Variants in NGLY1 observed in about 807,000 individuals in gnomAD.
NGLY1 encodes the protein peptide-N(4)-(N-acetyl-beta-glucosaminyl)asparagine amidase.
A neutral mutation model predicts 84.6 loss-of-function variants in NGLY1; 68 were observed. The ratio of observed to expected loss-of-function variants is 0.80; its 90% confidence interval spans 0.66 to 0.98. The LOEUF (loss-of-function observed/expected upper bound fraction) is 0.98, where lower values mean the gene tolerates loss of function less well. Among genes scored for constraint, NGLY1 ranks in the 50% least tolerant of loss-of-function variants. The pLI, the probability that NGLY1 is intolerant of heterozygous loss-of-function variation, is 0.00. For missense variants in NGLY1, 779 were observed against 770.2 expected, an observed-to-expected ratio of 1.01 and a Z score of -0.14; for synonymous variants, 280 against 275.2, an observed-to-expected ratio of 1.02 and a Z score of -0.17.
intron 2 of NGLY1, among the ~76,000 whole-genome samples, chr3:25,765,453 CAAAAAAA>C (rs939891781): frequency 3.4e-5 from 2 of 58,270 alleles, no homozygotes; most frequent in African/African-American, 5.9e-5. Context: ...GACTCAGTCT[CAAAAAAA>C]AAAAAAAAAA....
chr3:25,749,600 C>G lies in NGLY1; in HGVS notation c.658+1498G>C, dbSNP rs572195688. On this transcript the variant is annotated intron_variant, in intron 4 of 11. Transcript: ENST00000280700. ...AAAAATTAAGTGTAACTGGCGGAAA[C>G]CCAGAGGTATTGACGACAGGGTTCA... 4.7e-6 allele frequency: 7 copies of G among 1,482,894 alleles called. No homozygotes were observed. The South Asian group carries it at 7.9e-5, about 17-fold the overall frequency. 91.9% of individuals were successfully genotyped at this position (1,482,894 alleles called of 1,614,324 possible).
At chr3:25,779,586 A>G (rs1211097745) in intron 1 of NGLY1, among the ~76,000 whole-genome samples, 3 of 149,350 alleles carry the variant, frequency 2.0e-5, no homozygotes, top group African/African-American at 7.7e-5. Flanking sequence ...ATGTACTTCC[A>G]TAAGAAGCCA....
intron 3 of NGLY1, among the ~76,000 whole-genome samples, chr3:25,753,224 A>G (rs966142951): frequency 2.0e-5 from 3 of 152,214 alleles, no homozygotes; most frequent in African/African-American, 7.2e-5. Context: ...TTGATGTCAG[A>G]TATTTCATTG....
intron 10 of NGLY1, among the ~76,000 whole-genome samples, chr3:25,727,477 T>G (rs1705319571): frequency 6.6e-6 from 1 of 152,190 alleles, no homozygotes; most frequent in Non-Finnish European, 1.5e-5. Context: ...CAACCTCCAG[T>G]GTCCAGCTCA....
At chr3:25,736,514 G>T in intron 6 of NGLY1, 1 of 726,816 alleles carries the variant, frequency 1.4e-6, no homozygotes, top group Non-Finnish European at 2.3e-6. Flanking sequence ...GGACTTTAAG[G>T]CCCAGAACCA....
intron 4 of NGLY1, among the ~76,000 whole-genome samples, 172 bp downstream of exon 4, chr3:25,750,926 C>T (rs951864405): frequency 4.6e-5 from 7 of 152,116 alleles, no homozygotes; most frequent in Admixed American, 4.6e-4. Flanking sequence ...GTTGACCCTC[C>T]GTATATGGGT....
intron 4 of NGLY1, among the ~76,000 whole-genome samples, chr3:25,745,605 C>A (rs1392563456): frequency 6.6e-6 from 1 of 152,162 alleles, no homozygotes; most frequent in African/African-American, 2.4e-5. Context: ...CTATTGACTG[C>A]AAATTCCACA....
At chr3:25,749,635 C>T in intron 4 of NGLY1, 1 of 1,473,112 alleles carries the variant, frequency 6.8e-7, no homozygotes, top group South Asian at 1.1e-5. Context: ...ATAGAAGGTT[C>T]AAGAGCCAGA....
Position 25,733,940 on chromosome 3 carries a change from C to T in NGLY1, c.1192G>A (p.Val398Met). 6.2e-7 allele frequency: 1 copy of T among 1,613,774 alleles called. No homozygotes were observed. Among genetic ancestry groups the T allele is most frequent in the Non-Finnish European group, 8.5e-7 (1 of 1,179,834 alleles). The part of the protein sequence containing the change: ...TWRYSCKHEE[V>M]IARRTKVKEA... ...TTAACCTTAGTTCTTCTGGCAATCA[C>T]CTCTTCATGTTTGCAGGAATATCGC... The change falls in exon 8 of 12, where the codon GTG becomes ATG. Residue 398 changes from valine to methionine, a missense_variant. Transcript: ENST00000280700.
intron 2 of NGLY1, among the ~76,000 whole-genome samples, chr3:25,765,516 TTTAAA>T (rs1208327998): frequency 6.6e-6 from 1 of 150,918 alleles, no homozygotes. Context: ...ATCATGAGCA[TTTAAA>T]TTAAACTCCA....
At chr3:25,776,201 T>C (rs927841942) in intron 2 of NGLY1, among the ~76,000 whole-genome samples, 2 of 152,182 alleles carry the variant, frequency 1.3e-5, no homozygotes, top group Non-Finnish European at 2.9e-5. Context: ...CCAACACTGG[T>C]TTGCCTGAGA....
upstream of NGLY1, among the ~76,000 whole-genome samples, chr3:25,786,891 A>C (rs1708618229): frequency 6.6e-6 from 1 of 152,260 alleles, no homozygotes; most frequent in African/African-American, 2.4e-5. Context: ...TGATTTATTC[A>C]TTCCATAATT....
intron 2 of NGLY1, among the ~76,000 whole-genome samples, chr3:25,765,536 C>T (rs1247547161): frequency 6.6e-6 from 1 of 151,626 alleles, no homozygotes; most frequent in Non-Finnish European, 1.5e-5. Flanking sequence ...ACTCCAAAAT[C>T]GACAATATTA....
At chr3:25,744,653 TAA>T (rs1221781998) in intron 4 of NGLY1, among the ~76,000 whole-genome samples, 1 of 152,176 alleles carries the variant, frequency 6.6e-6, no homozygotes, top group Non-Finnish European at 1.5e-5. Flanking sequence ...ATGCACCAGT[TAA>T]AAAACTACAG....
At position 25,777,511 on chromosome 3, in the gene NGLY1, G is replaced by A. The variant is rs925291333; in HGVS notation, c.246+1063C>T. ...TGTGTCCTGGTCTCTGCCTCCCTAT[G>A]CAGCTTATTTCTGTTTCACGGTTAC... On this transcript the variant is annotated intron_variant, in intron 2 of 11. Transcript: ENST00000280700. Among the ~76,000 whole-genome samples the A allele has an allele frequency of 3.6e-4, 55 of 151,340 alleles. 2 individuals are homozygous for A. The highest frequency in any genetic ancestry group is 2.1e-4 in the South Asian group (1 of 4,792).
chr3:25,765,201 T>C (rs1707501088), intron 2 of NGLY1, among the ~76,000 whole-genome samples: 1 of 152,222 alleles, frequency 6.6e-6, no homozygotes, highest in South Asian at 2.1e-4. Flanking sequence ...GGCTCACGCC[T>C]GTAATCCCAG....
intron 3 of NGLY1, among the ~76,000 whole-genome samples, chr3:25,762,609 C>T (rs990230597): frequency 3.9e-5 from 6 of 151,964 alleles, no homozygotes; most frequent in Non-Finnish European, 8.8e-5. Context: ...TTTCTGGTGA[C>T]GGACAGGATT....
exon 1 of NGLY1, chr3:25,789,960 G>C: frequency 1.4e-6 from 2 of 1,460,766 alleles, no homozygotes; most frequent in Non-Finnish European, 1.9e-6. Context: ...CGCCTCCCAC[G>C]GTCTGACCTC....
At chr3:25,732,521 G>A in intron 8 of NGLY1, 38 bp from the exon 9 acceptor site, 1 of 1,563,588 alleles carries the variant, frequency 6.4e-7, no homozygotes, top group Non-Finnish European at 8.8e-7. Context: ...GTTAAGATTA[G>A]GGGAATGTAT....
Sources: allele counts gnomAD v4.1 joint callset (sites outside exome capture counted in the v4.1 genomes callset), GRCh38; gene constraint gnomAD v4.1.1; transcripts MANE v1.5; gene names NCBI Gene and HGNC (gene_info 2026-07-23, HGNC 2026-07-21).